Variants in KIR2DL1 observed in about 807,000 individuals in gnomAD.
The protein encoded by KIR2DL1 is killer cell immunoglobulin-like receptor 2DL1.
A neutral mutation model predicts 33.9 loss-of-function variants in KIR2DL1; 38 were observed. The ratio of observed to expected loss-of-function variants is 1.12; its 90% CI spans 0.86 to 1.47. KIR2DL1 has a LOEUF of 1.47. KIR2DL1 is among the 40% of genes most tolerant of loss of function. The pLI is 0.00. For synonymous variants in KIR2DL1, 179 were observed against 165.9 expected, an observed-to-expected ratio of 1.08 and a Z score of -0.61; for missense variants, 531 against 433.9, an observed-to-expected ratio of 1.22 and a Z score of -1.99.
chr19:54,773,236 G>A (rs2075956313), intron 2 of KIR2DL1, 97 bp from the exon 3 acceptor site: 3 of 1,320,550 alleles, frequency 2.3e-6, no homozygotes, highest in Admixed American at 2.1e-5. Context: ...GAAGGAGAGA[G>A]ATAAGACACC....
Position 54,783,736 on chromosome 19 carries a change from A to T in KIR2DL1, c.970A>T (p.Thr324Ser). ...CACTCGCCCTTCTCAGAGGCCCAAG[A>T]CACCCCCAACAGATATCATCGTGTA... ...KITRPSQRPKTPPTDIIVYTE... is the reference protein window; with the variant it reads ...KITRPSQRPKSPPTDIIVYTE... The change falls in exon 8 of 8, where the codon ACA becomes TCA. Residue 324 changes from threonine to serine, a missense_variant. Physicochemically the swap from Thr to Ser is moderately conservative, Grantham distance 58. Transcript: ENST00000336077. 6.2e-7 allele frequency: 1 copy of T among 1,613,958 alleles called. No individual in the cohort carries two copies. Among genetic ancestry groups the T allele is most frequent in the South Asian group, 1.1e-5 (1 of 91,068 alleles).
chr19:54,774,438 A>AT (rs1464288517), intron 3 of KIR2DL1, among the ~76,000 whole-genome samples: 7 of 148,372 alleles, frequency 4.7e-5, no homozygotes, highest in African/African-American at 1.7e-4. Context: ...AAAGATGGAG[A>AT]TGTGGGGATG....
intron 2 of KIR2DL1, among the ~76,000 whole-genome samples, chr19:54,771,191 C>T (rs1330878210): frequency 6.7e-6 from 1 of 148,534 alleles, no homozygotes; most frequent in African/African-American, 2.5e-5. Context: ...ACGGTAGGGG[C>T]TGCAGTGTGG....
chr19:54,770,712 G>T, intron 1 of KIR2DL1, 137 bp from the exon 2 acceptor site: 4 of 1,270,402 alleles, frequency 3.1e-6, no homozygotes, highest in Non-Finnish European at 4.6e-6. Flanking sequence ...CTGTTCTTGG[G>T]TGCAGGTAGG....
chr19:54,781,174 C>A (rs2076885941), intron 5 of KIR2DL1, among the ~76,000 whole-genome samples: 1 of 99,894 alleles, frequency 1.0e-5, no homozygotes, highest in Non-Finnish European at 2.0e-5. Flanking sequence ...GAGACTCTAT[C>A]TCAAAAAATA....
rs143586661 is a variant in KIR2DL1 at position 54,783,493 on chromosome 19, G to A, written c.825G>A (p.Ala275=). 32 of 1,612,916 alleles carry A rather than the reference G, an allele frequency of 2.0e-5. 1 individual carries two copies. The highest frequency in any genetic ancestry group is 1.6e-4 in the East Asian group (7 of 44,832). The part of the protein sequence containing the change: ...HRWCSNKKNA[A]VMDQESAGNR... ...GACTTCCATCTTCTACAGATGCTGC[G>A]GTAATGGACCAAGAGTCTGCAGGAA... The change falls in exon 7 of 8, where the codon GCG becomes GCA. Residue 275 remains alanine (A), a synonymous_variant. Coordinates refer to ENST00000336077, the MANE Select transcript of KIR2DL1 (RefSeq NM_014218.3).
At chr19:54,775,829 A>C (rs1206847506) in intron 4 of KIR2DL1, among the ~76,000 whole-genome samples, 2 of 148,932 alleles carry the variant, frequency 1.3e-5, no homozygotes, top group African/African-American at 4.9e-5. Flanking sequence ...AGCAACCCCT[A>C]CACCCTTTAC....
intron 2 of KIR2DL1, among the ~76,000 whole-genome samples, chr19:54,771,504 G>A (rs1270552730): frequency 6.8e-6 from 1 of 147,476 alleles, no homozygotes; most frequent in Non-Finnish European, 1.5e-5. Context: ...GCACCAAGGT[G>A]TGATAGCAGC....
Position 54,775,270 on chromosome 19 carries a change from A to C in KIR2DL1, c.476A>C (p.His159Pro). 1 of 1,603,324 alleles carries C rather than the reference A, an allele frequency of 6.2e-7. No individual in the cohort carries two copies. Among genetic ancestry groups the C allele is most frequent in the Non-Finnish European group, 8.5e-7 (1 of 1,172,260 alleles). ...CSSRSSYDMY[H>P]LSREGEAHER... ...TCCCGGAGCTCCTATGACATGTACCATCTATCCAGGGAAGGGGAGGCCCAT... is the reference window on the plus strand; with the variant it reads ...TCCCGGAGCTCCTATGACATGTACCCTCTATCCAGGGAAGGGGAGGCCCAT... Residue 159 changes from histidine to proline, a missense_variant, in exon 4 of 8, where the codon CAT becomes CCT. Transcript: ENST00000336077.
Position 54,783,828 on chromosome 19 carries a change from C to G in KIR2DL1, c.*15C>G. 2.5e-6 allele frequency: 4 copies of G among 1,613,950 alleles called. No homozygotes were observed. The highest frequency in any genetic ancestry group is 1.7e-6 in the Non-Finnish European group (2 of 1,179,946). On this transcript the variant is annotated 3_prime_UTR_variant, in exon 8 of 8. Transcript: ENST00000336077. ...CCTGCCCATGAGCACCACAGTCAGG[C>G]CTTGAGGGCGTCTTCTAGGGAGACA...
chr19:54,784,014 G>GA lies in KIR2DL1; in HGVS notation c.*207dup. 2.4e-6 allele frequency: 2 copies of GA among 851,006 alleles called. No homozygotes were observed. The highest frequency in any genetic ancestry group is 1.6e-5 in the South Asian group (1 of 63,062). 52.7% of individuals were successfully genotyped at this position (851,006 alleles called of 1,614,324 possible). On this transcript the variant is annotated 3_prime_UTR_variant, in exon 8 of 8. Transcript: ENST00000336077. Reference sequence around the variant, plus strand: ...TCTAAGGTCCCCACTGCCTGCTGGAGAAAAAACACACTCCTTTGCTTAACC... The same window carrying GA: ...TCTAAGGTCCCCACTGCCTGCTGGAGAAAAAAACACACTCCTTTGCTTAACC...
At chr19:54,770,995 C>A in intron 2 of KIR2DL1, 111 bp downstream of exon 2, 3 of 1,440,042 alleles carry the variant, frequency 2.1e-6, no homozygotes, top group South Asian at 1.1e-5. Context: ...AGAAGGGACC[C>A]TGGGGTGCTG....
chr19:54,783,405 C>A (rs2077269230), intron 6 of KIR2DL1, 81 bp from the exon 7 acceptor site: 1 of 1,510,768 alleles, frequency 6.6e-7, no homozygotes, highest in Non-Finnish European at 9.2e-7. Context: ...TATGGTCTCC[C>A]CCTGTATGTT....
chr19:54,777,129 C>G (rs1180514571), intron 4 of KIR2DL1, among the ~76,000 whole-genome samples: 1 of 151,552 alleles, frequency 6.6e-6, no homozygotes, highest in Non-Finnish European at 1.5e-5. Flanking sequence ...TTGCTCTTCT[C>G]ACCCAGGCTG....
rs372869128 is a variant in KIR2DL1 at position 54,776,409 on chromosome 19, A to T, written c.664+951A>T. ...AGTTCCATCCATGTGGCTGCAAATG[A>T]CAGGATGTTATTCTTTCTATGGATG... On this transcript the variant is annotated intron_variant, in intron 4 of 7. Coordinates refer to ENST00000336077, the MANE Select transcript of KIR2DL1 (RefSeq NM_014218.3). 2.7e-4 allele frequency among the ~76,000 whole-genome samples: 39 copies of T among 145,108 alleles called. 2 individuals carry two copies. In the Middle Eastern group the frequency reaches 0.011, roughly 39 times the overall value.
chr19:54,776,042 C>G (rs1253952256), intron 4 of KIR2DL1, among the ~76,000 whole-genome samples: 1 of 145,794 alleles, frequency 6.9e-6, no homozygotes, highest in Non-Finnish European at 1.5e-5. Context: ...CAGGCACGCA[C>G]CACCACGCCA....
chr19:54,777,251 C>A (rs2076460635), intron 4 of KIR2DL1, among the ~76,000 whole-genome samples: 1 of 149,214 alleles, frequency 6.7e-6, no homozygotes, highest in African/African-American at 2.5e-5. Flanking sequence ...CCACCACGCC[C>A]TACTAATTTT....
At chr19:54,772,704 G>T (rs199733063) in intron 2 of KIR2DL1, among the ~76,000 whole-genome samples, 6,033 of 110,212 alleles carry the variant, frequency 0.055, 8 homozygotes, top group South Asian at 0.11. Flanking sequence ...AGACTCTGTC[G>T]CCAAAATTAA....
Position 54,782,820 on chromosome 19 carries a change from A to G in KIR2DL1, c.716-102A>G, listed in dbSNP as rs1383770545. 10 of 1,285,564 alleles carry G rather than the reference A, an allele frequency of 7.8e-6. No homozygotes were observed. The East Asian group carries it at 1.6e-4, about 21-fold the overall frequency. The allele number at this position is 1,285,564 out of a possible 1,614,324, so 79.6% of individuals were successfully genotyped here. On this transcript the variant is annotated intron_variant, in intron 5 of 7. Transcript: ENST00000336077. ...CCTGCCATCTGGGTGCTTGTCCTAA[A>G]GAGGTGTTTTATGTGGTTACCTGTC...
Sources: gnomAD v4.1 joint callset for allele counts (sites outside exome capture counted in the v4.1 genomes callset) on GRCh38, gnomAD v4.1.1 for gene constraint, MANE v1.5 for transcripts, NCBI Gene and HGNC (gene_info 2026-07-23, HGNC 2026-07-21) for gene names.